Variants in FRAS1 observed in about 807,000 individuals in gnomAD.
FRAS1 encodes the protein extracellular matrix organizing protein FRAS1.
Under a neutral mutation model 435.2 loss-of-function variants are expected in FRAS1, and 290 were observed. The ratio of observed to expected loss-of-function variants is 0.67; its 90% CI spans 0.61 to 0.73. FRAS1 has a LOEUF of 0.73. FRAS1 is among the 30% of genes least tolerant of loss of function. The pLI is 0.00. For synonymous variants in FRAS1, 1,800 were observed against 1,851.0 expected (o/e 0.97, Z 0.71); for missense variants, 4,860 against 5,001.5 (o/e 0.97, Z 0.85).
chr4:78,372,995 T>C (rs898582867), intron 24 of FRAS1, 137 bp downstream of exon 24: 9 of 972,946 alleles, frequency 9.3e-6, no homozygotes, highest in Non-Finnish European at 1.2e-5. Flanking sequence ...CTAAGAGCTA[T>C]CTTTGTTATC....
At chr4:78,286,595 G>T (rs1028426818) in intron 14 of FRAS1, 56 bp downstream of exon 14, 6 of 1,579,152 alleles carry the variant, frequency 3.8e-6, no homozygotes, top group East Asian at 4.5e-5. Flanking sequence ...CCCCAACCCT[G>T]ACCCCACCAA....
chr4:78,450,160 C>A lies in FRAS1; in HGVS notation c.6284C>A (p.Ala2095Glu), dbSNP rs1205557714. 2 of 1,612,578 alleles carry A rather than the reference C, an allele frequency of 1.2e-6. No homozygotes were observed. The highest frequency in any genetic ancestry group is 2.7e-5 in the African/African-American group (2 of 74,880). ...QGLQLSAGSV[A>E]RITEQHLKVT... ...TCCGTTCTCTTCCAAGGGTCTGTAGCACGCATCACAGAACAGCACTTGAAA... is the reference window on the plus strand; with the variant it reads ...TCCGTTCTCTTCCAAGGGTCTGTAGAACGCATCACAGAACAGCACTTGAAA... Residue 2095 changes from alanine (A) to glutamate (E), a missense_variant, in exon 45 of 74, where the codon GCA becomes GAA. Ala to Glu is a moderately radical substitution (Grantham distance 107, BLOSUM62 -1). Coordinates refer to ENST00000512123, the MANE Select transcript of FRAS1 (RefSeq NM_025074.7).
At chr4:78,383,827 A>T (rs957442386) in intron 27 of FRAS1, among the ~76,000 whole-genome samples, 1 of 152,152 alleles carries the variant, frequency 6.6e-6, no homozygotes, top group Non-Finnish European at 1.5e-5. Flanking sequence ...TGTTTACATA[A>T]TTATTATTAT....
intron 2 of FRAS1, among the ~76,000 whole-genome samples, chr4:78,187,972 C>T (rs1464789121): frequency 6.6e-6 from 1 of 152,122 alleles, no homozygotes; most frequent in Non-Finnish European, 1.5e-5. Flanking sequence ...TCAGGATCAA[C>T]AGAGGTGCTG....
chr4:78,266,786 G>A (rs1371024256), intron 7 of FRAS1, 48 bp from the exon 8 acceptor site: 1 of 1,387,224 alleles, frequency 7.2e-7, no homozygotes, highest in Non-Finnish European at 1.0e-6. Flanking sequence ...TCTATTTGAT[G>A]TATGGGACAT....
At chr4:78,418,163 G>T (rs1451017787) in intron 32 of FRAS1, among the ~76,000 whole-genome samples, 2 of 152,192 alleles carry the variant, frequency 1.3e-5, no homozygotes, top group East Asian at 3.8e-4. Flanking sequence ...TTCATTCACT[G>T]GGTCCTGAAA....
In FRAS1 at chr4:78,317,411, T is replaced by G; in HGVS notation, c.1863T>G (p.Ser621=). ...CCAGCTGCTCTGGGCCCACACCCTC[T>G]CACTGTACAGCCTGCAGCCCCCCCA... is the stretch of plus-strand genomic sequence containing the variant. ...SCASCSGPTP[S]HCTACSPPKA... The change falls in exon 17 of 74, where the codon TCT becomes TCG. Residue 621 remains serine (S), a synonymous_variant. Coordinates refer to ENST00000512123, the MANE Select transcript of FRAS1 (RefSeq NM_025074.7). 1 of 1,613,948 alleles carries G rather than the reference T, an allele frequency of 6.2e-7. No individual in the cohort carries two copies. Among genetic ancestry groups the G allele is most frequent in the Non-Finnish European group, 8.5e-7 (1 of 1,179,870 alleles).
At chr4:78,252,595 T>C in intron 5 of FRAS1, 44 bp downstream of exon 5, 1 of 1,562,084 alleles carries the variant, frequency 6.4e-7, no homozygotes, top group Non-Finnish European at 8.7e-7. Context: ...GCTTGGGAGG[T>C]TCACATGGCT....
chr4:78,319,430 G>T (rs1389844446), intron 18 of FRAS1: 1 of 456,814 alleles, frequency 2.2e-6, no homozygotes, highest in Non-Finnish European at 4.4e-6. Flanking sequence ...CATCTACAGA[G>T]AATTGATGAC....
chr4:78,329,417 C>A (rs988884377), intron 18 of FRAS1, among the ~76,000 whole-genome samples: 3 of 152,182 alleles, frequency 2.0e-5, no homozygotes, highest in South Asian at 2.1e-4. Context: ...TCACTTTAAT[C>A]GCTGTTATCA....
At chr4:78,070,573 TTCTC>T (rs1740292366) in intron 2 of FRAS1, 2 of 152,182 alleles carry the variant, frequency 1.3e-5, no homozygotes, top group Admixed American at 1.3e-4. Flanking sequence ...TCACAAGACT[TTCTC>T]TAAAGTCAGC....
rs1560423723 is a variant in FRAS1, at chr4:78,519,411, C to T, written c.10470C>T (p.Gly3490=). The change falls in exon 67 of 74, where the codon GGC becomes GGT. Residue 3490 remains glycine (G), a synonymous_variant. Coordinates refer to ENST00000512123, the MANE Select transcript of FRAS1 (RefSeq NM_025074.7). The part of the protein sequence containing the change: ...VSYIYVTAPR[G]WASLEHHTEM... ...ACATCTATGTGACAGCCCCCAGGGG[C>T]TGGGCCTCCTTGGAGCACCACACCG... 6.2e-7 allele frequency: 1 copy of T among 1,611,522 alleles called. No homozygotes were observed. The highest frequency in any genetic ancestry group is 1.7e-5 in the Admixed American group (1 of 59,416).
chr4:78,385,541 A>C (rs561706340), intron 28 of FRAS1, among the ~76,000 whole-genome samples: 1 of 152,138 alleles, frequency 6.6e-6, no homozygotes, highest in East Asian at 1.9e-4. Context: ...AAATGATCCT[A>C]AGTTAATTTG....
intron 61 of FRAS1, among the ~76,000 whole-genome samples, chr4:78,502,568 G>A (rs1011048709): frequency 9.0e-5 from 12 of 133,806 alleles, no homozygotes; most frequent in African/African-American, 3.6e-4. Flanking sequence ...TTGATTTTGT[G>A]TCCTGAAACT....
chr4:78,271,084 A>G (rs1726652267), intron 9 of FRAS1, among the ~76,000 whole-genome samples: 1 of 152,230 alleles, frequency 6.6e-6, no homozygotes. Flanking sequence ...AAAGACATCC[A>G]GTGCATCCAG....
At chr4:78,471,799 C>A (rs1719716857) in intron 51 of FRAS1, among the ~76,000 whole-genome samples, 1 of 152,186 alleles carries the variant, frequency 6.6e-6, no homozygotes, top group African/African-American at 2.4e-5. Flanking sequence ...ATTATTCTTT[C>A]AAAGTTCCAA....
Position 78,434,060 on chromosome 4 carries a change from A to G in FRAS1, c.5217+1456A>G, listed in dbSNP as rs547004999. Among the ~76,000 whole-genome samples, 25 of 152,336 alleles carry G rather than the reference A, an allele frequency of 1.6e-4. No individual in the cohort carries two copies. The South Asian group carries it at 5.0e-3, about 30-fold the overall frequency. On this transcript the variant is annotated intron_variant, in intron 38 of 73. Coordinates refer to ENST00000512123, the MANE Select transcript of FRAS1 (RefSeq NM_025074.7). The stretch of plus-strand genomic sequence containing the variant: ...AAGGGTTGTAGAAGGATTTTGTACT[A>G]AGAGTCATGGAAAAACTTTTCCAGA...
chr4:78,178,915 A>G (rs1040431525), intron 2 of FRAS1, among the ~76,000 whole-genome samples: 1 of 152,178 alleles, frequency 6.6e-6, no homozygotes, highest in African/African-American at 2.4e-5. Flanking sequence ...TATTCAATAA[A>G]GGGTAGTTCC....
chr4:78,497,597 T>C (rs1720544748), intron 60 of FRAS1, among the ~76,000 whole-genome samples: 2 of 152,208 alleles, frequency 1.3e-5, no homozygotes, highest in African/African-American at 4.8e-5. Flanking sequence ...CATATTATAT[T>C]ATCTTATTTA....
Sources: gnomAD v4.1 joint callset for allele counts (sites outside exome capture counted in the v4.1 genomes callset) on GRCh38, gnomAD v4.1.1 for gene constraint, MANE v1.5 for transcripts, NCBI Gene and HGNC (gene_info 2026-07-23, HGNC 2026-07-21) for gene names.